The following TPCN1 variants were observed in gnomAD, a reference collection of about 807,000 sequenced individuals.
TPCN1 encodes the protein two pore channel protein 1.
Under a neutral mutation model 108.8 loss-of-function variants are expected in TPCN1, and 52 were observed. That is an observed-to-expected ratio of 0.48 (90% CI 0.38 to 0.60). The LOEUF (loss-of-function observed/expected upper bound fraction) is 0.60, where lower values mean the gene tolerates loss of function less well. TPCN1 is among the 20% of genes least tolerant of loss of function. The pLI, the probability that TPCN1 is intolerant of heterozygous loss-of-function variation, is 0.00. For synonymous variants in TPCN1, 446 were observed against 433.7 expected, an observed-to-expected ratio of 1.03 and a Z score of -0.35; for missense variants, 806 against 1,072.8, an observed-to-expected ratio of 0.75 and a Z score of 3.47.
chr12:113,247,783 G>T (rs990536914), intron 2 of TPCN1, among the ~76,000 whole-genome samples: 1 of 152,230 alleles, frequency 6.6e-6, no homozygotes, highest in Non-Finnish European at 1.5e-5. Context: ...ATCACCTGTG[G>T]CTTTCTTGAA....
rs1488534776 is a variant in TPCN1, at chr12:113,272,412, AG to A, written c.749-245del. ...ATTTTACACAAAAATACAGACTTCC[AG>A]CCTTTTGAAAGAACAGAGCCGATAG... On this transcript the variant is annotated intron_variant, in intron 7 of 27. Transcript: ENST00000335509. This position sits in a 1 kb window ranked among gnomAD's most constrained non-coding sequence, Gnocchi z 4.1. Among the ~76,000 whole-genome samples the A allele has an allele frequency of 2.0e-5, 3 of 152,292 alleles. No individual in the cohort carries two copies. Among genetic ancestry groups the A allele is most frequent in the Admixed American group, 1.3e-4 (2 of 15,300 alleles).
Position 113,298,537 on chromosome 12 carries a change from G to A in TPCN1, c.*2461G>A, listed in dbSNP as rs967344210. ...TGGTTTGTTTCCTAGAAAACCCATT[G>A]TGTCTCTGGATTTCTAGCACATTAC... On this transcript the variant is annotated 3_prime_UTR_variant, in exon 28 of 28. Coordinates refer to ENST00000335509, the MANE Select transcript of TPCN1 (RefSeq NM_017901.6). 1 of 152,230 alleles carries A rather than the reference G, an allele frequency of 6.6e-6. No homozygotes were observed. Among genetic ancestry groups the A allele is most frequent in the Non-Finnish European group, 1.5e-5 (1 of 68,040 alleles). 9.4% of individuals were successfully genotyped at this position (152,230 alleles called of 1,614,324 possible).
At chr12:113,253,146 C>T (rs982327562) in intron 2 of TPCN1, among the ~76,000 whole-genome samples, 4 of 152,152 alleles carry the variant, frequency 2.6e-5, no homozygotes, top group Non-Finnish European at 5.9e-5. Flanking sequence ...TTCTCTGCAC[C>T]TTAGTTTCCT....
At position 113,296,360 on chromosome 12, in the gene TPCN1, G is replaced by T; in HGVS notation, c.*284G>T. The stretch of plus-strand genomic sequence containing the variant: ...CCTTCACAAGGAGACCCCTCACCTG[G>T]ATCCAGTCGACTGCGGGGCTTGCCC... On this transcript the variant is annotated 3_prime_UTR_variant, in exon 28 of 28. Transcript: ENST00000335509. 1 of 402,598 alleles carries T rather than the reference G, an allele frequency of 2.5e-6. No individual in the cohort carries two copies. Among genetic ancestry groups the T allele is most frequent in the Non-Finnish European group, 4.5e-6 (1 of 223,010 alleles). The allele number at this position is 402,598 out of a possible 1,614,324, so 24.9% of individuals were successfully genotyped here. A position where few individuals can be genotyped will look rare whatever the true frequency, so the allele number is the denominator to read the frequency against.
intron 24 of TPCN1, 90 bp from the exon 25 acceptor site, chr12:113,291,784 C>A: frequency 6.4e-7 from 1 of 1,566,232 alleles, no homozygotes; most frequent in Non-Finnish European, 8.8e-7. Context: ...TCCCATCTGG[C>A]CGGACTCTGT....
chr12:113,269,918 C>G lies in TPCN1; in HGVS notation c.748+73C>G. ...CGGTGGATGAAAAATTATTTTGGGC[C>G]TGGCTCAGTGGCTCACGCCTGTAAT... On this transcript the variant is annotated intron_variant, in intron 7 of 27. Coordinates refer to ENST00000335509, the MANE Select transcript of TPCN1 (RefSeq NM_017901.6). This position sits in a 1 kb window ranked among gnomAD's most constrained non-coding sequence, Gnocchi z 5.0. 1 of 1,521,668 alleles carries G rather than the reference C, an allele frequency of 6.6e-7. No individual in the cohort carries two copies. Among genetic ancestry groups the G allele is most frequent in the East Asian group, 2.3e-5 (1 of 44,340 alleles). The allele number at this position is 1,521,668 out of a possible 1,614,324, so 94.3% of individuals were successfully genotyped here.
Position 113,221,545 on chromosome 12 carries a change from C to T in TPCN1, c.-207C>T, listed in dbSNP as rs532987638. ...GCGGCGGCTGCAACAGCTTCGGGCT[C>T]GGGGTTTTGGCGGCGGCGCCGGCGG... is the stretch of plus-strand genomic sequence containing the variant. On this transcript the variant is annotated 5_prime_UTR_variant, in exon 1 of 28. Coordinates refer to ENST00000335509, the MANE Select transcript of TPCN1 (RefSeq NM_017901.6). 7.4e-6 allele frequency: 2 copies of T among 268,526 alleles called. No homozygotes were observed. Among genetic ancestry groups the T allele is most frequent in the African/African-American group, 4.6e-5 (2 of 43,906 alleles). 16.6% of individuals were successfully genotyped at this position (268,526 alleles called of 1,614,324 possible).
Position 113,223,435 on chromosome 12 carries a change from C to CTTTTTTTTTTT in TPCN1, c.-126+1816_-126+1826dup, listed in dbSNP as rs1172851714. Among the ~76,000 whole-genome samples the CTTTTTTTTTTT allele has an allele frequency of 6.1e-3, 736 of 120,058 alleles. 17 individuals carry two copies. The highest frequency in any genetic ancestry group is 0.019 in the African/African-American group (614 of 31,820). The allele number at this position is 120,058 out of a possible 152,430, so 78.8% of individuals were successfully genotyped here. A position where few individuals can be genotyped will look rare whatever the true frequency, so the allele number is the denominator to read the frequency against. On this transcript the variant is annotated intron_variant, in intron 1 of 27. Coordinates refer to ENST00000335509, the MANE Select transcript of TPCN1 (RefSeq NM_017901.6). ...AGGTCTGCAGTCAGATCTGCTGAGT[C>CTTTTTTTTTTT]TTTTTTTTTTTTTTTTTGGTTCTTC...
intron 15 of TPCN1, among the ~76,000 whole-genome samples, chr12:113,283,563 G>A (rs924339143): frequency 6.6e-6 from 1 of 152,010 alleles, no homozygotes; most frequent in East Asian, 1.9e-4. Flanking sequence ...GAGCCCAGGA[G>A]GTGGACGTTG....
chr12:113,260,009 T>C lies in TPCN1; in HGVS notation c.113-359T>C, dbSNP rs73192829. ...AAGGGTCTGTCTACCCTATTCCTTA[T>C]AGCCCTTGTAGGGCGACTGATTTCA... On this transcript the variant is annotated intron_variant, in intron 2 of 27. Transcript: ENST00000335509. Among the ~76,000 whole-genome samples, 480 of 152,358 alleles carry C rather than the reference T, an allele frequency of 3.2e-3. 1 individual carries two copies. The highest frequency in any genetic ancestry group is 5.2e-3 in the Non-Finnish European group (352 of 68,020).
chr12:113,226,959 G>C lies in TPCN1; in HGVS notation c.107G>C (p.Ser36Thr), dbSNP rs759501763. Reference protein sequence around the residue: ...SNGLGQEELPSKNGGSYAIHD... With the variant: ...SNGLGQEELPTKNGGSYAIHD... ...GGCCTGGGCCAAGAAGAGCTACCTA[G>C]CAAAAGTAAGATGGTGGGGTGGGCT... The change falls in exon 2 of 28, where the codon AGC (serine) becomes ACC (threonine). Residue 36 changes from serine to threonine, a missense_variant. Transcript: ENST00000335509. 6.2e-7 allele frequency: 1 copy of C among 1,612,182 alleles called. No homozygotes were observed. Among genetic ancestry groups the C allele is most frequent in the African/African-American group, 1.3e-5 (1 of 74,876 alleles).
chr12:113,262,492 C>T (rs1955080563), intron 3 of TPCN1, among the ~76,000 whole-genome samples: 1 of 151,774 alleles, frequency 6.6e-6, no homozygotes, highest in African/African-American at 2.4e-5. Context: ...TATGTTCATG[C>T]AGCATCATAT....
rs1466159069 is a variant in TPCN1 at position 113,273,660 on chromosome 12, A to G, written c.934A>G (p.Met312Val). The G allele has an allele frequency of 6.2e-7, 1 of 1,613,942 alleles. No homozygotes were observed. Among genetic ancestry groups the G allele is most frequent in the Admixed American group, 1.7e-5 (1 of 60,020 alleles). ...VYLSIELYFI[M>V]NLLLAVVFDT... Reference sequence around the variant, plus strand: ...CCTCTCCATCGAGCTGTATTTCATCATGAACCTGGTGAGTGACTATGCCTC... The same window carrying G: ...CCTCTCCATCGAGCTGTATTTCATCGTGAACCTGGTGAGTGACTATGCCTC... Residue 312 changes from methionine (M) to valine (V), a missense_variant, in exon 10 of 28, where the codon ATG becomes GTG. Met to Val is a conservative substitution (Grantham distance 21, BLOSUM62 1). Transcript: ENST00000335509. The surrounding 1 kb of genome is among the most constrained non-coding windows in gnomAD (Gnocchi z 4.0).
intron 2 of TPCN1, among the ~76,000 whole-genome samples, chr12:113,248,709 G>C (rs747762703): frequency 1.3e-5 from 2 of 152,214 alleles, no homozygotes; most frequent in Non-Finnish European, 2.9e-5. Flanking sequence ...CAGGTTCCAC[G>C]AGACCCTCTG....
At chr12:113,240,382 C>A (rs1394361574) in intron 2 of TPCN1, among the ~76,000 whole-genome samples, 1 of 152,090 alleles carries the variant, frequency 6.6e-6, no homozygotes, top group East Asian at 1.9e-4. Flanking sequence ...TTCTGAGTGT[C>A]GCGCAGTCTG....
At position 113,293,297 on chromosome 12, in the gene TPCN1, G is replaced by A; in HGVS notation, c.2282G>A (p.Arg761Gln). The A allele has an allele frequency of 1.9e-6, 3 of 1,614,088 alleles. No individual in the cohort carries two copies. The highest frequency in any genetic ancestry group is 2.5e-6 in the Non-Finnish European group (3 of 1,180,036). ...CATTCCATGGTGTTTCTGGGACGGC[G>A]ATCAAGGACCAAGAGCGACCTGAGC... Reference protein sequence around the residue: ...QQHSMVFLGRRSRTKSDLSLK... With the variant: ...QQHSMVFLGRQSRTKSDLSLK... The change falls in exon 27 of 28, where the codon CGA (arginine) becomes CAA (glutamine). Residue 761 changes from arginine (R) to glutamine (Q), a missense_variant. Arg to Gln is a conservative substitution (Grantham distance 43). Transcript: ENST00000335509.
intron 15 of TPCN1, among the ~76,000 whole-genome samples, chr12:113,281,882 A>G (rs1029178280): frequency 1.1e-4 from 17 of 148,584 alleles, no homozygotes; most frequent in African/African-American, 3.5e-4. Flanking sequence ...CCATGTGGAC[A>G]TGTCACCAAC....
Position 113,269,833 on chromosome 12 carries a change from T to G in TPCN1, c.736T>G (p.Phe246Val). The G allele has an allele frequency of 6.2e-7, 1 of 1,613,856 alleles. No homozygotes were observed. Among genetic ancestry groups the G allele is most frequent in the Non-Finnish European group, 8.5e-7 (1 of 1,180,000 alleles). ...LLLLLFFMIIFAILGFYLFSP... is the reference protein window; with the variant it reads ...LLLLLFFMIIVAILGFYLFSP... ...GCTGCTGCTGTTCTTCATGATCATC[T>G]TTGCCATCCTCGGTGAGTTCCCGCC... Residue 246 changes from phenylalanine to valine, a missense_variant, in exon 7 of 28, where the codon TTT becomes GTT. Physicochemically the swap from Phe to Val is conservative, Grantham distance 50. Transcript: ENST00000335509. The surrounding 1 kb of genome is among the most constrained non-coding windows in gnomAD (Gnocchi z 5.0).
chr12:113,239,862 A>AT (rs988486186), intron 2 of TPCN1, among the ~76,000 whole-genome samples: 16 of 151,008 alleles, frequency 1.1e-4, no homozygotes, highest in Admixed American at 6.6e-4. Flanking sequence ...GGATTTTATT[A>AT]TTTTTTTTTC....
Sources: allele counts gnomAD v4.1 joint callset (sites outside exome capture counted in the v4.1 genomes callset), GRCh38; gene constraint gnomAD v4.1.1; non-coding constraint Gnocchi (gnomAD v3.1); transcripts MANE v1.5; gene names NCBI Gene and HGNC (gene_info 2026-07-23, HGNC 2026-07-21).